Variants in NPLOC4 observed in about 807,000 individuals in gnomAD.
The protein encoded by NPLOC4 is nuclear protein localization protein 4 homolog.
Under a neutral mutation model 80.6 loss-of-function variants are expected in NPLOC4, and 18 were observed. That is an observed-to-expected ratio of 0.22 (90% CI 0.15 to 0.33). The LOEUF (loss-of-function observed/expected upper bound fraction) is 0.33, where lower values mean the gene tolerates loss of function less well. NPLOC4 is among the 10% of genes least tolerant of loss of function. The pLI is 1.00. For synonymous variants in NPLOC4, 313 were observed against 301.5 expected (o/e 1.04, Z -0.39); for missense variants, 540 against 786.1 (o/e 0.69, Z 3.74).
At chr17:81,584,447 A>G (rs2034522050) in intron 12 of NPLOC4, among the ~76,000 whole-genome samples, 1 of 152,250 alleles carries the variant, frequency 6.6e-6, no homozygotes, top group Non-Finnish European at 1.5e-5. Context: ...TCCAATCTGA[A>G]AAGGGTATTT....
intron 3 of NPLOC4, 123 bp from the exon 4 acceptor site, chr17:81,613,617 C>G (rs775327833): frequency 6.1e-6 from 5 of 823,420 alleles, no homozygotes; most frequent in Admixed American, 2.9e-5. Flanking sequence ...AATGAGGTTT[C>G]TAACTTTTAA....
intron 3 of NPLOC4, among the ~76,000 whole-genome samples, chr17:81,620,586 C>T (rs944377498): frequency 1.3e-5 from 2 of 152,160 alleles, no homozygotes; most frequent in Non-Finnish European, 2.9e-5. Context: ...CCCAGACCTG[C>T]TTGGTGCTTG....
In NPLOC4 at chr17:81,558,983, G is replaced by A. The variant is rs11541224; in HGVS notation, c.*276C>T. The A allele has an allele frequency of 0.17, 63,869 of 372,272 alleles. 6,868 individuals are homozygous for A. Among genetic ancestry groups the A allele is most frequent in the East Asian group, 0.38 (8,300 of 21,732 alleles). 23.1% of individuals were successfully genotyped at this position (372,272 alleles called of 1,614,324 possible). On this transcript the variant is annotated 3_prime_UTR_variant, in exon 17 of 17. Transcript: ENST00000331134. ...TAGAGGCGAGAGGTCTTTCCAACAC[G>A]GCGGGGGACTTGTCAACAGGATTAG...
At chr17:81,578,732 A>T (rs1193759749) in intron 12 of NPLOC4, among the ~76,000 whole-genome samples, 1 of 152,182 alleles carries the variant, frequency 6.6e-6, no homozygotes. Flanking sequence ...AACCACCCCC[A>T]TGATTCAATT....
At chr17:81,578,363 C>T (rs903464262) in intron 12 of NPLOC4, among the ~76,000 whole-genome samples, 12 of 152,222 alleles carry the variant, frequency 7.9e-5, no homozygotes, top group Non-Finnish European at 1.0e-4. Flanking sequence ...CAACAGGACA[C>T]CTCCACAGTT....
Position 81,637,036 on chromosome 17 carries a change from ACGC to A in NPLOC4, c.-109_-107del. The A allele has an allele frequency of 3.1e-6, 2 of 643,614 alleles. No individual in the cohort carries two copies. The highest frequency in any genetic ancestry group is 4.3e-6 in the Non-Finnish European group (2 of 468,242). The allele number at this position is 643,614 out of a possible 1,614,324, so 39.9% of individuals were successfully genotyped here. On this transcript the variant is annotated 5_prime_UTR_variant, in exon 1 of 17. Transcript: ENST00000331134. ...CCTCAGCCCCGGCCCCGGCCTCCCTACGCCGCCGCCACCGCCGCTCCAGCTTCG... is the reference window on the plus strand; with the variant it reads ...CCTCAGCCCCGGCCCCGGCCTCCCTACGCCGCCACCGCCGCTCCAGCTTCG...
chr17:81,592,312 TTTAC>T (rs1286528523), intron 11 of NPLOC4, among the ~76,000 whole-genome samples: 2 of 152,090 alleles, frequency 1.3e-5, no homozygotes, highest in African/African-American at 4.8e-5. Flanking sequence ...AAGAGCACAC[TTTAC>T]TTGAGTTAGA....
intron 2 of NPLOC4, among the ~76,000 whole-genome samples, chr17:81,626,145 T>C (rs2035788923): frequency 7.2e-6 from 1 of 138,586 alleles, no homozygotes; most frequent in Non-Finnish European, 1.5e-5. Context: ...TGAGACTTCA[T>C]CTCAAAAAAA....
intron 2 of NPLOC4, among the ~76,000 whole-genome samples, chr17:81,625,623 C>T (rs1316998131): frequency 6.6e-6 from 1 of 152,036 alleles, no homozygotes; most frequent in East Asian, 1.9e-4. Context: ...CCCAGCAACT[C>T]GGAAGGCTGA....
chr17:81,565,660 T>G, intron 15 of NPLOC4, 53 bp from the exon 16 acceptor site: 1 of 1,349,820 alleles, frequency 7.4e-7, no homozygotes. Context: ...GGTGAGCAGC[T>G]TCCTGCTAGA....
At chr17:81,587,249 G>A (rs2034605207) in intron 12 of NPLOC4, among the ~76,000 whole-genome samples, 2 of 152,224 alleles carry the variant, frequency 1.3e-5, no homozygotes, top group Non-Finnish European at 2.9e-5. Context: ...TGAGGCGGGA[G>A]GACTGCTCGA....
intron 11 of NPLOC4, among the ~76,000 whole-genome samples, chr17:81,594,820 C>G (rs1219364779): frequency 6.6e-6 from 1 of 151,970 alleles, no homozygotes; most frequent in South Asian, 2.1e-4. Context: ...GTGGCGCACG[C>G]GTGTAGTCCC....
intron 3 of NPLOC4, among the ~76,000 whole-genome samples, chr17:81,618,573 G>A (rs1379512957): frequency 1.1e-4 from 8 of 73,766 alleles, no homozygotes; most frequent in South Asian, 7.2e-4. Flanking sequence ...CGCCCCGTCC[G>A]GGAGGGAGGT....
chr17:81,590,960 A>G lies in NPLOC4; in HGVS notation c.1121-1856T>C, dbSNP rs544184876. On this transcript the variant is annotated intron_variant, in intron 11 of 16. Transcript: ENST00000331134. ...CCTGCCCCAAACTCAAATGCTCAGGAGGCAGCCAACCCTGCACAAATGACC... is the reference window on the plus strand; with the variant it reads ...CCTGCCCCAAACTCAAATGCTCAGGGGGCAGCCAACCCTGCACAAATGACC... Among the ~76,000 whole-genome samples, 5 of 152,332 alleles carry G rather than the reference A, an allele frequency of 3.3e-5. No homozygotes were observed. The South Asian group carries it at 1.0e-3, about 32-fold the overall frequency.
rs1392035270 is a variant in NPLOC4, at chr17:81,591,763, C to T, written c.1121-2659G>A. 2.6e-5 allele frequency among the ~76,000 whole-genome samples: 4 copies of T among 152,208 alleles called. No homozygotes were observed. The East Asian group carries it at 5.8e-4, about 22-fold the overall frequency. On this transcript the variant is annotated intron_variant, in intron 11 of 16. Transcript: ENST00000331134. ...ACTATCATTCCCTTCACAAATCAGT[C>T]AGTCAGGAAATCCCTACGTGGGAAG...
intron 12 of NPLOC4, chr17:81,588,034 G>A (rs2034636248): frequency 6.6e-6 from 1 of 152,134 alleles, no homozygotes; most frequent in African/African-American, 2.4e-5. Context: ...AACACAGGAA[G>A]CAATTAACAA....
chr17:81,589,984 C>T (rs1193649942), intron 11 of NPLOC4, among the ~76,000 whole-genome samples: 2 of 152,002 alleles, frequency 1.3e-5, no homozygotes, highest in Non-Finnish European at 2.9e-5. Context: ...CCTAGGCTCA[C>T]GGTAAGGATG....
chr17:81,599,243 C>G (rs1474195215), intron 9 of NPLOC4, among the ~76,000 whole-genome samples: 3 of 151,272 alleles, frequency 2.0e-5, no homozygotes, highest in Non-Finnish European at 4.4e-5. Flanking sequence ...GAGCCAAGAT[C>G]GTGCCACTGC....
chr17:81,571,182 A>G (rs1307630589), intron 13 of NPLOC4, among the ~76,000 whole-genome samples: 1 of 152,170 alleles, frequency 6.6e-6, no homozygotes, highest in Non-Finnish European at 1.5e-5. Context: ...GAATGCAATG[A>G]TATTTTACTG....
Sources: allele counts gnomAD v4.1 joint callset (sites outside exome capture counted in the v4.1 genomes callset), GRCh38; gene constraint gnomAD v4.1.1; transcripts MANE v1.5; gene names NCBI Gene and HGNC (gene_info 2026-07-23, HGNC 2026-07-21).